Variants in ELMOD2 observed in about 807,000 individuals in gnomAD.
ELMOD2 encodes ELMO domain-containing protein 2.
ELMOD2 carries 28 observed loss-of-function variants against 41.0 expected under a neutral mutation model. The observed-to-expected ratio is 0.68, with a 90% CI of 0.51 to 0.94. The LOEUF is 0.94. Among genes scored for constraint, ELMOD2 ranks in the 40% least tolerant of loss-of-function variants. The pLI, the probability that ELMOD2 is intolerant of heterozygous loss-of-function variation, is 0.00. For missense variants in ELMOD2, 333 were observed against 343.1 expected, an observed-to-expected ratio of 0.97 and a Z score of 0.23; for synonymous variants, 106 against 107.2, an observed-to-expected ratio of 0.99 and a Z score of 0.07.
intron 6 of ELMOD2, 120 bp downstream of exon 6, chr4:140,540,421 C>A: frequency 7.7e-7 from 1 of 1,304,956 alleles, no homozygotes; most frequent in South Asian, 1.5e-5. Context: ...TTAATAACTG[C>A]AGTGCTGGAA....
At chr4:140,548,345 A>G (rs1735358792) in intron 8 of ELMOD2, among the ~76,000 whole-genome samples, 1 of 152,294 alleles carries the variant, frequency 6.6e-6, no homozygotes, top group East Asian at 1.9e-4. Context: ...TATGGGGGAT[A>G]GAGATAGCAG....
In ELMOD2 at chr4:140,542,568, T is replaced by C; in HGVS notation, c.534-6T>C. ...TTTGTTTGATTATTTTTCTTAAACT[T>C]TTTAGGTATTTCAGTGAAAATTACA... On this transcript the variant is annotated splice_polypyrimidine_tract_variant and splice_region_variant and intron_variant, in intron 6 of 8. Transcript: ENST00000323570. 1 of 1,595,956 alleles carries C rather than the reference T, an allele frequency of 6.3e-7. No individual in the cohort carries two copies. The highest frequency in any genetic ancestry group is 8.5e-7 in the Non-Finnish European group (1 of 1,169,594).
chr4:140,528,591 T>C (rs1037295867), intron 3 of ELMOD2, among the ~76,000 whole-genome samples: 3 of 152,218 alleles, frequency 2.0e-5, no homozygotes, highest in African/African-American at 7.2e-5. Context: ...TTATTGATCA[T>C]GATGTAAAAT....
Position 140,550,289 on chromosome 4 carries a change from T to C in ELMOD2, c.796T>C (p.Tyr266His), listed in dbSNP as rs1425577436. 1.9e-6 allele frequency: 3 copies of C among 1,611,830 alleles called. No individual in the cohort carries two copies. The highest frequency in any genetic ancestry group is 3.3e-5 in the Admixed American group (2 of 59,844). ...WFEEEPESIMYFNLYREKFHE... is the reference protein window; with the variant it reads ...WFEEEPESIMHFNLYREKFHE... ...TGAAGAAGAACCAGAAAGCATTATGTATTTCAATTTGTATAGAGAGAAGTT... is the reference window on the plus strand; with the variant it reads ...TGAAGAAGAACCAGAAAGCATTATGCATTTCAATTTGTATAGAGAGAAGTT... Residue 266 changes from tyrosine to histidine, a missense_variant, in exon 9 of 9, where the codon TAT (tyrosine) becomes CAT (histidine). By Grantham distance (83) the Tyr-to-His change is moderately conservative (BLOSUM62 2). Coordinates refer to ENST00000323570, the MANE Select transcript of ELMOD2 (RefSeq NM_153702.4).
rs1285508170 is a variant in ELMOD2, at chr4:140,527,393, AGTT to A, written c.143-69_143-67del. On this transcript the variant is annotated intron_variant, in intron 2 of 8. Coordinates refer to ENST00000323570, the MANE Select transcript of ELMOD2 (RefSeq NM_153702.4). ...TTGTTACTGGTTTGATATTTTTACT[AGTT>A]GTTTATTATAGGGTAATTGACAAAC... 9.8e-6 allele frequency: 11 copies of A among 1,119,452 alleles called. No homozygotes were observed. In the African/African-American group the frequency reaches 1.1e-4, roughly 11 times the overall value. 69.3% of individuals were successfully genotyped at this position (1,119,452 alleles called of 1,614,324 possible).
intron 3 of ELMOD2, among the ~76,000 whole-genome samples, chr4:140,530,660 G>T (rs774521454): frequency 1.3e-5 from 2 of 151,980 alleles, no homozygotes; most frequent in East Asian, 1.9e-4. Flanking sequence ...TCAACAAATG[G>T]GTAAATACTG....
chr4:140,540,027 G>C (rs937885264), intron 5 of ELMOD2, 141 bp from the exon 6 acceptor site: 1 of 888,422 alleles, frequency 1.1e-6, no homozygotes, highest in African/African-American at 1.7e-5. Context: ...AATGTGCTGC[G>C]TGTTTTAGGA....
At chr4:140,533,086 T>C (rs1029621945) in intron 3 of ELMOD2, among the ~76,000 whole-genome samples, 1 of 152,160 alleles carries the variant, frequency 6.6e-6, no homozygotes, top group Non-Finnish European at 1.5e-5. Flanking sequence ...CTGAGAAAGA[T>C]GAAAATGGAA....
At chr4:140,540,043 G>T in intron 5 of ELMOD2, 125 bp from the exon 6 acceptor site, 1 of 1,141,938 alleles carries the variant, frequency 8.8e-7, no homozygotes, top group Non-Finnish European at 1.2e-6. Context: ...TAGGATAATT[G>T]AAAAATGTTC....
Position 140,552,730 on chromosome 4 carries a change from C to T in ELMOD2, c.*2355C>T, listed in dbSNP as rs564918069. The T allele has an allele frequency of 5.9e-5, 9 of 151,742 alleles. No individual in the cohort carries two copies. The highest frequency in any genetic ancestry group is 3.3e-4 in the Admixed American group (5 of 15,194). 9.4% of individuals were successfully genotyped at this position (151,742 alleles called of 1,614,324 possible). A position where few individuals can be genotyped will look rare whatever the true frequency, so the allele number is the denominator to read the frequency against. On this transcript the variant is annotated 3_prime_UTR_variant, in exon 9 of 9. Coordinates refer to ENST00000323570, the MANE Select transcript of ELMOD2 (RefSeq NM_153702.4). ...TAGAATATTGTGGCATTGAAGTAGC[C>T]GAAAAATTGTTAGTTTTAGCATCAA...
rs532004534 is a variant in ELMOD2, at chr4:140,524,254, T to C, written c.-36T>C. The stretch of plus-strand genomic sequence containing the variant: ...GTGGGGAAACCGAGGCAGCTCCTGC[T>C]CCCCCTAGTTCTTCCGCTCCTGTGA... On this transcript the variant is annotated 5_prime_UTR_variant, in exon 1 of 9. Coordinates refer to ENST00000323570, the MANE Select transcript of ELMOD2 (RefSeq NM_153702.4). The C allele has an allele frequency of 2.4e-3, 362 of 152,348 alleles. No homozygotes were observed. Among genetic ancestry groups the C allele is most frequent in the Non-Finnish European group, 4.0e-3 (270 of 68,130 alleles). The allele number at this position is 152,348 out of a possible 1,614,324, so 9.4% of individuals were successfully genotyped here. A position where few individuals can be genotyped will look rare whatever the true frequency, so the allele number is the denominator to read the frequency against.
chr4:140,550,088 C>A, intron 8 of ELMOD2, 142 bp from the exon 9 acceptor site: 1 of 686,666 alleles, frequency 1.5e-6, no homozygotes, highest in South Asian at 1.8e-5. Context: ...GTCCCTCAGG[C>A]TTCTAATAGT....
intron 8 of ELMOD2, among the ~76,000 whole-genome samples, chr4:140,546,148 A>G (rs1306991393): frequency 1.3e-5 from 2 of 152,194 alleles, no homozygotes; most frequent in Admixed American, 6.5e-5. Context: ...ATGGAATACT[A>G]TGCAGCCATA....
At chr4:140,527,781 C>G in intron 3 of ELMOD2, 1 of 332,674 alleles carries the variant, frequency 3.0e-6, no homozygotes, top group East Asian at 6.3e-5. Flanking sequence ...GGAGGAAAGT[C>G]GTCTTTTAGA....
intron 6 of ELMOD2, chr4:140,542,308 T>A (rs1006025830): frequency 7.7e-5 from 18 of 233,796 alleles, no homozygotes; most frequent in Non-Finnish European, 1.2e-4. Flanking sequence ...TTTTTTTTTT[T>A]AAGGTAGTCT....
chr4:140,534,734 C>G (rs1282273591), intron 3 of ELMOD2, among the ~76,000 whole-genome samples: 2 of 151,962 alleles, frequency 1.3e-5, no homozygotes, highest in Non-Finnish European at 2.9e-5. Flanking sequence ...CCTAGACGCT[C>G]AAGATATAAG....
chr4:140,543,423 C>G (rs1454548503), intron 7 of ELMOD2, 30 bp from the exon 8 acceptor site: 1 of 1,567,394 alleles, frequency 6.4e-7, no homozygotes, highest in Non-Finnish European at 8.6e-7. Flanking sequence ...ATTTGGCTAG[C>G]TGGTATAACT....
Position 140,550,288 on chromosome 4 carries a change from G to A in ELMOD2, c.795G>A (p.Met265Ile), listed in dbSNP as rs781220620. The change falls in exon 9 of 9, where the codon ATG (methionine) becomes ATA (isoleucine). Residue 265 changes from methionine (M) to isoleucine (I), a missense_variant. Transcript: ENST00000323570. ...FWFEEEPESI[M>I]YFNLYREKFH... ...TTGAAGAAGAACCAGAAAGCATTAT[G>A]TATTTCAATTTGTATAGAGAGAAGT... 15 of 1,611,678 alleles carry A rather than the reference G, an allele frequency of 9.3e-6. No individual in the cohort carries two copies. Among genetic ancestry groups the A allele is most frequent in the Non-Finnish European group, 1.2e-5 (14 of 1,178,704 alleles).
chr4:140,550,156 CT>C, intron 8 of ELMOD2, 73 bp from the exon 9 acceptor site: 1 of 1,296,630 alleles, frequency 7.7e-7, no homozygotes, highest in South Asian at 1.3e-5. Flanking sequence ...TGGTTATATA[CT>C]TTGTAAAGAT....
Sources: gnomAD v4.1 joint callset for allele counts (sites outside exome capture counted in the v4.1 genomes callset) on GRCh38, gnomAD v4.1.1 for gene constraint, MANE v1.5 for transcripts, NCBI Gene and HGNC (gene_info 2026-07-23, HGNC 2026-07-21) for gene names.